The following P3H2 variants were observed in gnomAD, a reference collection of about 807,000 sequenced individuals.
The protein encoded by P3H2 is prolyl 3-hydroxylase 2.
In P3H2, 80 loss-of-function variants were observed where a neutral mutation model predicts 87.0. The observed-to-expected ratio is 0.92, with a 90% CI of 0.77 to 1.11. P3H2 has a LOEUF of 1.11. Ranked by LOEUF, P3H2 falls within the 50% of genes least tolerant of loss-of-function variation. The pLI, the probability that P3H2 is intolerant of heterozygous loss-of-function variation, is 0.00. For missense variants in P3H2, 1,001 were observed against 923.9 expected (o/e 1.08, Z -1.08); for synonymous variants, 367 against 359.3 (o/e 1.02, Z -0.24).
chr3:189,996,907 AACC>A (rs1209218064), intron 1 of P3H2, among the ~76,000 whole-genome samples: 3 of 152,242 alleles, frequency 2.0e-5, no homozygotes, highest in Non-Finnish European at 4.4e-5. Context: ...AAGAATTTTG[AACC>A]ACCACTACAC....
chr3:190,086,967 G>T (rs1208065189), intron 1 of P3H2, among the ~76,000 whole-genome samples: 1 of 152,198 alleles, frequency 6.6e-6, no homozygotes, highest in Non-Finnish European at 1.5e-5. Context: ...GACTTGATCT[G>T]ATGTGGAGCA....
chr3:190,080,200 G>C (rs1225199796), intron 1 of P3H2, among the ~76,000 whole-genome samples: 1 of 152,150 alleles, frequency 6.6e-6, no homozygotes, highest in African/African-American at 2.4e-5. Flanking sequence ...GTGTGAGCAT[G>C]ATGCATTGAG....
At position 189,956,884 on chromosome 3, in the gene P3H2, C is replaced by T. The variant is rs1050836403; in HGVS notation, c.*1028G>A. 1.0e-5 allele frequency: 4 copies of T among 387,610 alleles called. No individual in the cohort carries two copies. Among genetic ancestry groups the T allele is most frequent in the Non-Finnish European group, 1.8e-5 (4 of 219,934 alleles). 24.0% of individuals were successfully genotyped at this position (387,610 alleles called of 1,614,324 possible). ...TATGTAAGTACAAAACACCTCTTTT[C>T]ATCAGTGGACCCCACTCCTAGGCAA... On this transcript the variant is annotated 3_prime_UTR_variant, in exon 15 of 15. Coordinates refer to ENST00000319332, the MANE Select transcript of P3H2 (RefSeq NM_018192.4).
At chr3:190,092,724 T>G (rs757306569) in intron 1 of P3H2, among the ~76,000 whole-genome samples, 3 of 152,224 alleles carry the variant, frequency 2.0e-5, no homozygotes, top group African/African-American at 7.2e-5. Context: ...TAAATTTTTA[T>G]ATTTTATTTA....
At chr3:190,010,679 TAAA>T (rs1724558765) in intron 1 of P3H2, among the ~76,000 whole-genome samples, 1 of 152,160 alleles carries the variant, frequency 6.6e-6, no homozygotes, top group Non-Finnish European at 1.5e-5. Flanking sequence ...AGTCAGAAGG[TAAA>T]TGTCTGCTGT....
At chr3:190,119,170 G>GGGAGA (rs759762087) in intron 1 of P3H2, among the ~76,000 whole-genome samples, 4 of 52,436 alleles carry the variant, frequency 7.6e-5, no homozygotes, top group Non-Finnish European at 1.4e-4. Flanking sequence ...GGGAGGGGAG[G>GGGAGA]GGAGAGGAGA....
At chr3:190,021,258 G>A (rs566904648) in intron 1 of P3H2, among the ~76,000 whole-genome samples, 2 of 135,076 alleles carry the variant, frequency 1.5e-5, no homozygotes, top group South Asian at 5.3e-4. Flanking sequence ...TTTTAGTCTG[G>A]TGGAGAAATG....
rs935806810 is a variant in P3H2, at chr3:189,957,022, T to C, written c.*890A>G. ...ATGACCTTTTAAAGTGTACAACTTA[T>C]AGGACAGTCCTTTCTGGAGTACTGT... is the stretch of plus-strand genomic sequence containing the variant. On this transcript the variant is annotated 3_prime_UTR_variant, in exon 15 of 15. Coordinates refer to ENST00000319332, the MANE Select transcript of P3H2 (RefSeq NM_018192.4). 1.3e-5 allele frequency: 5 copies of C among 398,126 alleles called. No individual in the cohort carries two copies. Among genetic ancestry groups the C allele is most frequent in the African/African-American group, 6.2e-5 (3 of 48,604 alleles). The allele number at this position is 398,126 out of a possible 1,614,324, so 24.7% of individuals were successfully genotyped here.
intron 1 of P3H2, among the ~76,000 whole-genome samples, chr3:190,115,212 A>G (rs773630832): frequency 6.6e-6 from 1 of 152,170 alleles, no homozygotes; most frequent in Non-Finnish European, 1.5e-5. Flanking sequence ...AAGAAGTTTC[A>G]AGAGAGGACT....
chr3:189,966,516 G>A (rs1319887004), intron 13 of P3H2, among the ~76,000 whole-genome samples: 1 of 152,140 alleles, frequency 6.6e-6, no homozygotes, highest in Non-Finnish European at 1.5e-5. Flanking sequence ...ATCACACAGC[G>A]AACATCATCT....
intron 14 of P3H2, among the ~76,000 whole-genome samples, chr3:189,962,791 G>A (rs1025275574): frequency 6.6e-6 from 1 of 152,192 alleles, no homozygotes; most frequent in African/African-American, 2.4e-5. Flanking sequence ...AGATTTGATG[G>A]TGAAAAGTAT....
At chr3:190,007,965 C>CACACACATATAT in intron 1 of P3H2, among the ~76,000 whole-genome samples, 6 of 94,342 alleles carry the variant, frequency 6.4e-5, no homozygotes, top group Non-Finnish European at 8.6e-5. Context: ...TGTTGACACA[C>CACACACATATAT]ATATATATAT....
chr3:190,018,808 T>G (rs868112995), intron 1 of P3H2, among the ~76,000 whole-genome samples: 1 of 152,332 alleles, frequency 6.6e-6, no homozygotes, highest in African/African-American at 2.4e-5. Flanking sequence ...TAAGTGCTTG[T>G]TGATGTATTT....
At chr3:190,034,032 G>A (rs754981) in intron 1 of P3H2, among the ~76,000 whole-genome samples, 85,588 of 151,582 alleles carry the variant, frequency 0.56, 26,487 homozygotes, top group Admixed American at 0.7. Context: ...TCAAGCTCAC[G>A]TTACAGAATA....
chr3:190,105,383 ATT>A (rs1177610672), intron 1 of P3H2, among the ~76,000 whole-genome samples: 1 of 152,082 alleles, frequency 6.6e-6, no homozygotes. Flanking sequence ...GCAAAAGGAG[ATT>A]TTTTGTTGTT....
chr3:190,068,034 AATTTT>A (rs1223285125), intron 1 of P3H2, among the ~76,000 whole-genome samples: 1 of 152,106 alleles, frequency 6.6e-6, no homozygotes. Context: ...TTTTTAATTT[AATTTT>A]AAGTCAAATT....
chr3:190,101,919 C>A lies in P3H2; in HGVS notation c.480+18333G>T, dbSNP rs181131123. On this transcript the variant is annotated intron_variant, in intron 1 of 14. Coordinates refer to ENST00000319332, the MANE Select transcript of P3H2 (RefSeq NM_018192.4). ...TCCAGCTGGTGACTTTAACTTGAAGCCAATGTTCATTTACCATCCCCCAAA... is the reference window on the plus strand; with the variant it reads ...TCCAGCTGGTGACTTTAACTTGAAGACAATGTTCATTTACCATCCCCCAAA... Among the ~76,000 whole-genome samples, 156 of 152,250 alleles carry A rather than the reference C, an allele frequency of 1.0e-3. 1 individual carries two copies. The highest frequency in any genetic ancestry group is 3.6e-3 in the African/African-American group (151 of 41,558).
At chr3:190,073,142 C>A (rs1726761899) in intron 1 of P3H2, among the ~76,000 whole-genome samples, 1 of 152,216 alleles carries the variant, frequency 6.6e-6, no homozygotes, top group African/African-American at 2.4e-5. Context: ...AGAACAGATA[C>A]ACCTAATTTG....
chr3:190,076,037 G>A (rs1487727404), intron 1 of P3H2, among the ~76,000 whole-genome samples: 1 of 152,060 alleles, frequency 6.6e-6, no homozygotes, highest in Non-Finnish European at 1.5e-5. Flanking sequence ...TCTTAGACCT[G>A]AATTGGGCAG....
Sources: gnomAD v4.1 joint callset for allele counts (sites outside exome capture counted in the v4.1 genomes callset) on GRCh38, gnomAD v4.1.1 for gene constraint, MANE v1.5 for transcripts, NCBI Gene and HGNC (gene_info 2026-07-23, HGNC 2026-07-21) for gene names.